The following AFAP1 variants were observed in gnomAD, a reference collection of about 807,000 sequenced individuals.
The protein encoded by AFAP1 is actin filament-associated protein 1.
A neutral mutation model predicts 93.9 loss-of-function variants in AFAP1; 75 were observed. The observed-to-expected ratio is 0.80, with a 90% CI of 0.66 to 0.97. AFAP1 has a LOEUF of 0.97. AFAP1 is among the 50% of genes least tolerant of loss of function. The pLI, the probability that AFAP1 is intolerant of heterozygous loss-of-function variation, is 0.00. For missense variants in AFAP1, 1,201 were observed against 1,050.8 expected, an observed-to-expected ratio of 1.14 and a Z score of -1.98; for synonymous variants, 517 against 430.7, an observed-to-expected ratio of 1.20 and a Z score of -2.48.
chr4:7,861,685 G>A (rs1045088830), intron 3 of AFAP1, among the ~76,000 whole-genome samples: 1 of 152,246 alleles, frequency 6.6e-6, no homozygotes, highest in African/African-American at 2.4e-5. Context: ...ACCAGGGGCG[G>A]AAACAGGATA....
At chr4:7,910,282 CA>C (rs1719654348) in intron 1 of AFAP1, among the ~76,000 whole-genome samples, 1 of 152,098 alleles carries the variant, frequency 6.6e-6, no homozygotes, top group African/African-American at 2.4e-5. Flanking sequence ...TGCTGGGAGT[CA>C]AAAGACTGGG....
rs771133930 is a variant in AFAP1 at position 7,838,630 on chromosome 4, G to A, written c.620C>T (p.Pro207Leu). Residue 207 changes from proline (P) to leucine (L), a missense_variant, in exon 6 of 18, where the codon CCG becomes CTG. Coordinates refer to ENST00000420658, the MANE Select transcript of AFAP1 (RefSeq NM_001134647.2). Reference protein sequence around the residue: ...PLQGCNITYIPKDSKKKKHEL... With the variant: ...PLQGCNITYILKDSKKKKHEL... ...GTGCTTCTTCTTTTTGCTGTCTTTC[G>A]GGATGTACGTAATGTTACAGCCTTG... 11 of 1,613,936 alleles carry A rather than the reference G, an allele frequency of 6.8e-6. No individual in the cohort carries two copies. Among genetic ancestry groups the A allele is most frequent in the East Asian group, 2.2e-5 (1 of 44,894 alleles).
chr4:7,871,014 C>T (rs192716069), intron 2 of AFAP1, among the ~76,000 whole-genome samples: 42 of 152,290 alleles, frequency 2.8e-4, no homozygotes, highest in African/African-American at 9.1e-4. Context: ...TCAAGATTCT[C>T]ACATCCCATC....
intron 1 of AFAP1, among the ~76,000 whole-genome samples, chr4:7,872,824 C>T (rs967584372): frequency 1.3e-5 from 2 of 151,312 alleles, no homozygotes; most frequent in Admixed American, 6.6e-5. Flanking sequence ...GGTGTAAATG[C>T]CAAGGTAAAA....
chr4:7,822,961 T>C (rs1721106508), intron 6 of AFAP1, among the ~76,000 whole-genome samples: 1 of 151,992 alleles, frequency 6.6e-6, no homozygotes, highest in African/African-American at 2.4e-5. Context: ...CCCAGCAGCC[T>C]CTTGGGTAGG....
intron 3 of AFAP1, among the ~76,000 whole-genome samples, chr4:7,859,163 G>A (rs1247096612): frequency 1.3e-5 from 2 of 152,246 alleles, no homozygotes; most frequent in Non-Finnish European, 2.9e-5. Context: ...GCTCACGCCT[G>A]TAATCCCAGC....
At chr4:7,932,356 G>T (rs1289625426) in intron 1 of AFAP1, among the ~76,000 whole-genome samples, 1 of 152,098 alleles carries the variant, frequency 6.6e-6, no homozygotes, top group Non-Finnish European at 1.5e-5. Flanking sequence ...ATTAATAAAG[G>T]TACAAACATT....
chr4:7,921,702 G>A (rs866453158), intron 1 of AFAP1, among the ~76,000 whole-genome samples: 2 of 152,294 alleles, frequency 1.3e-5, no homozygotes, highest in African/African-American at 4.8e-5. Flanking sequence ...ACATATTCAC[G>A]CAAATATGCA....
chr4:7,936,456 C>T (rs565177791), intron 1 of AFAP1, among the ~76,000 whole-genome samples: 1 of 151,838 alleles, frequency 6.6e-6, no homozygotes, highest in African/African-American at 2.4e-5. Flanking sequence ...TCCCAAAGTG[C>T]TGGCATTACA....
At chr4:7,837,188 T>C (rs1377701975) in intron 6 of AFAP1, among the ~76,000 whole-genome samples, 1 of 152,100 alleles carries the variant, frequency 6.6e-6, no homozygotes, top group South Asian at 2.1e-4. Flanking sequence ...CAAAATGAAC[T>C]CTAAAACAAA....
chr4:7,822,507 C>G (rs1447556596), intron 6 of AFAP1, among the ~76,000 whole-genome samples: 1 of 152,010 alleles, frequency 6.6e-6, no homozygotes, highest in Non-Finnish European at 1.5e-5. Context: ...CCCCATAAAA[C>G]ATAACCTGCC....
intron 6 of AFAP1, among the ~76,000 whole-genome samples, chr4:7,834,274 G>A (rs1386805733): frequency 1.3e-5 from 2 of 152,220 alleles, no homozygotes; most frequent in Non-Finnish European, 2.9e-5. Flanking sequence ...CTCATAAGTG[G>A]GAGCTAAGCT....
intron 6 of AFAP1, among the ~76,000 whole-genome samples, chr4:7,832,446 T>C (rs1464406055): frequency 6.6e-6 from 1 of 152,056 alleles, no homozygotes; most frequent in African/African-American, 2.4e-5. Context: ...CGAAAGAGAC[T>C]GAAGGTTTGA....
chr4:7,820,408 TA>T (rs1258286138), intron 6 of AFAP1, among the ~76,000 whole-genome samples: 1 of 152,148 alleles, frequency 6.6e-6, no homozygotes, highest in Non-Finnish European at 1.5e-5. Context: ...TGGATGAGTT[TA>T]CCAGGGAAGA....
intron 1 of AFAP1, among the ~76,000 whole-genome samples, chr4:7,915,954 G>C (rs931925177): frequency 3.9e-5 from 6 of 152,200 alleles, no homozygotes; most frequent in African/African-American, 1.4e-4. Context: ...ATAGGAGGGA[G>C]AGGACGGGAA....
chr4:7,768,581 G>T (rs1348569024), intron 17 of AFAP1, among the ~76,000 whole-genome samples: 1 of 152,166 alleles, frequency 6.6e-6, no homozygotes, highest in Non-Finnish European at 1.5e-5. Flanking sequence ...CTGCATCTGA[G>T]ATGACTCTGG....
chr4:7,844,154 C>T (rs1282741989), intron 4 of AFAP1, among the ~76,000 whole-genome samples: 2 of 148,720 alleles, frequency 1.3e-5, no homozygotes, highest in Non-Finnish European at 1.5e-5. Context: ...GTGTCCCTCC[C>T]GGAAATTCAA....
At chr4:7,814,376 T>C (rs1577243472) in intron 8 of AFAP1, among the ~76,000 whole-genome samples, 2 of 152,184 alleles carry the variant, frequency 1.3e-5, no homozygotes, top group Admixed American at 1.3e-4. Flanking sequence ...GTGACAATAC[T>C]GAGGCTGGAG....
At chr4:7,861,826 C>T (rs1343707118) in intron 3 of AFAP1, among the ~76,000 whole-genome samples, 1 of 152,260 alleles carries the variant, frequency 6.6e-6, no homozygotes, top group Non-Finnish European at 1.5e-5. Context: ...CAAAGGGTCA[C>T]ATCTTACGCC....
Sources: gnomAD v4.1 joint callset for allele counts (sites outside exome capture counted in the v4.1 genomes callset) on GRCh38, gnomAD v4.1.1 for gene constraint, MANE v1.5 for transcripts, NCBI Gene and HGNC (gene_info 2026-07-23, HGNC 2026-07-21) for gene names.